FAAH2: variants seen among roughly 807,000 people sequenced by gnomAD.
FAAH2 encodes fatty-acid amide hydrolase 2.
A neutral mutation model predicts 36.9 loss-of-function variants in FAAH2; 60 were observed. That is an observed-to-expected ratio of 1.63 (90% CI 1.32 to 2.02). The LOEUF (loss-of-function observed/expected upper bound fraction) is 2.02, where lower values mean the gene tolerates loss of function less well. FAAH2 is among the 30% of genes most tolerant of loss of function. The probability of loss-of-function intolerance (pLI) is 0.00; values close to 1 mark genes in which losing one functional copy is unlikely to be tolerated. For missense variants in FAAH2, 689 were observed against 397.5 expected (o/e 1.73, Z -6.23); for synonymous variants, 214 against 143.8 (o/e 1.49, Z -3.49).
At chrX:57,160,162 C>T in the FAAH2 span, among the ~76,000 whole-genome samples, 7 of 111,746 alleles carry the variant, frequency 6.3e-5, no homozygotes, top group African/African-American at 2.3e-4. Context: ...GTATGTTGAA[C>T]CACCCTTGAA....
the FAAH2 span, among the ~76,000 whole-genome samples, chrX:57,277,958 T>A: frequency 7.2e-5 from 8 of 111,865 alleles, no homozygotes; most frequent in Admixed American, 5.7e-4. Context: ...TCCGTGCTCA[T>A]GGATAGGAAG....
At chrX:57,149,372 G>T in the FAAH2 span, among the ~76,000 whole-genome samples, 15 of 111,693 alleles carry the variant, frequency 1.3e-4, no homozygotes, top group African/African-American at 4.9e-4. Context: ...ATTCGGCTGT[G>T]AATCCATCTG....
intron 8 of FAAH2, among the ~76,000 whole-genome samples, chrX:57,435,412 A>G (rs2056389717): frequency 9.0e-6 from 1 of 111,384 alleles, no homozygotes; most frequent in African/African-American, 3.3e-5. Context: ...GGCAGAAAAT[A>G]TAAGAAACAT....
At chrX:57,405,580 G>T (rs2055547927) in intron 7 of FAAH2, among the ~76,000 whole-genome samples, 1 of 108,030 alleles carries the variant, frequency 9.3e-6, no homozygotes, top group Non-Finnish European at 1.9e-5. Flanking sequence ...AGCAGTGGTG[G>T]ATGGTGAGTG....
At chrX:57,202,472 C>T in the FAAH2 span, among the ~76,000 whole-genome samples, 3 of 111,648 alleles carry the variant, frequency 2.7e-5, no homozygotes, top group Non-Finnish European at 5.6e-5. Context: ...TCTTTCTTTA[C>T]TTTCTCCTAA....
intron 2 of FAAH2, among the ~76,000 whole-genome samples, chrX:57,294,989 A>C (rs923080965): frequency 8.9e-6 from 1 of 112,327 alleles, no homozygotes; most frequent in Non-Finnish European, 1.9e-5. Context: ...GAAACAGCAA[A>C]CTGAGGGAAC....
chrX:57,447,824 C>T (rs2056709972), intron 9 of FAAH2, among the ~76,000 whole-genome samples: 1 of 111,930 alleles, frequency 8.9e-6, no homozygotes, highest in African/African-American at 3.3e-5. Context: ...GGAAGGGCTG[C>T]CACAAAGGAC....
intron 3 of FAAH2, among the ~76,000 whole-genome samples, chrX:57,325,121 G>T (rs919552552): frequency 2.7e-5 from 3 of 112,226 alleles, no homozygotes; most frequent in African/African-American, 9.7e-5. Context: ...TGTTGGTTCT[G>T]TTTATATGCT....
chrX:57,449,474 T>G (rs2056743960), intron 10 of FAAH2, among the ~76,000 whole-genome samples: 1 of 112,242 alleles, frequency 8.9e-6, no homozygotes, highest in African/African-American at 3.2e-5. Context: ...GAAGTCAGGG[T>G]AATCTATGCC....
the FAAH2 span, among the ~76,000 whole-genome samples, chrX:57,252,849 C>T: frequency 8.9e-6 from 1 of 112,332 alleles, no homozygotes; most frequent in African/African-American, 3.2e-5. Context: ...AACCAGAATG[C>T]CTCCTCTCCT....
chrX:57,186,582 C>A, the FAAH2 span, among the ~76,000 whole-genome samples: 1 of 111,948 alleles, frequency 8.9e-6, no homozygotes, highest in Non-Finnish European at 1.9e-5. Context: ...TCCCACTTGT[C>A]AATTTTGGCT....
At chrX:57,235,845 G>A in the FAAH2 span, among the ~76,000 whole-genome samples, 890 of 109,705 alleles carry the variant, frequency 8.1e-3, 8 homozygotes, top group African/African-American at 0.029. Context: ...TTTTTGTGAA[G>A]ATAACTTTCA....
At chrX:57,323,681 TG>T (rs759203607) in intron 3 of FAAH2, among the ~76,000 whole-genome samples, 135 of 79,057 alleles carry the variant, frequency 1.7e-3, no homozygotes, top group Middle Eastern at 0.012. Context: ...TTGATGGGGT[TG>T]TTTTTTTTTT....
intron 5 of FAAH2, among the ~76,000 whole-genome samples, chrX:57,373,560 T>G (rs1405157716): frequency 9.0e-6 from 1 of 111,171 alleles, no homozygotes; most frequent in Non-Finnish European, 1.9e-5. Context: ...CCTTACCCCA[T>G]TTTTGATGGC....
the FAAH2 span, among the ~76,000 whole-genome samples, chrX:57,231,212 C>T: frequency 0.01 from 1,108 of 110,628 alleles, 16 homozygotes; most frequent in Non-Finnish European, 0.015. Context: ...TGGTTCAATT[C>T]ACTTTTATTC....
At chrX:57,125,330 C>A in the FAAH2 span, among the ~76,000 whole-genome samples, 2 of 112,285 alleles carry the variant, frequency 1.8e-5, no homozygotes, top group Admixed American at 1.9e-4. Flanking sequence ...TATGTTGAAC[C>A]AGCCTTGCGT....
At chrX:57,433,818 G>T (rs1056277566) in intron 8 of FAAH2, among the ~76,000 whole-genome samples, 2 of 111,822 alleles carry the variant, frequency 1.8e-5, no homozygotes, top group Non-Finnish European at 3.8e-5. Context: ...AAAAATGGTT[G>T]TAGTTATTAT....
chrX:57,321,126 C>T (rs759383179), intron 3 of FAAH2, among the ~76,000 whole-genome samples: 8 of 97,405 alleles, frequency 8.2e-5, no homozygotes, highest in East Asian at 3.3e-4. Context: ...GGTGACAGAG[C>T]GAGACTCCAT....
chrX:57,316,905 A>T (rs2146925927), intron 3 of FAAH2, among the ~76,000 whole-genome samples: 1 of 111,836 alleles, frequency 8.9e-6, no homozygotes, highest in South Asian at 3.7e-4. Context: ...AATTAAACTA[A>T]AGACCTTCTG....
Sources: allele counts gnomAD v4.1 joint callset (sites outside exome capture counted in the v4.1 genomes callset), GRCh38; gene constraint gnomAD v4.1.1; transcripts MANE v1.5; gene names NCBI Gene and HGNC (gene_info 2026-07-23, HGNC 2026-07-21).